The following PDS5A variants were observed in gnomAD, a reference collection of about 807,000 sequenced individuals.
PDS5A encodes the protein sister chromatid cohesion protein PDS5 homolog A.
Under a neutral mutation model 167.1 loss-of-function variants are expected in PDS5A, and 42 were observed. That is an observed-to-expected ratio of 0.25 (90% confidence interval 0.20 to 0.33). The LOEUF (loss-of-function observed/expected upper bound fraction) is 0.33. Among genes scored for constraint, PDS5A ranks in the 10% least tolerant of loss-of-function variants. The probability of loss-of-function intolerance (pLI) is 1.00; values close to 1 mark genes in which losing one functional copy is unlikely to be tolerated. For missense variants in PDS5A, 1,033 were observed against 1,605.9 expected, an observed-to-expected ratio of 0.64 and a Z score of 6.10; for synonymous variants, 553 against 554.6, an observed-to-expected ratio of 1.00 and a Z score of 0.04.
rs1258386368 is a variant in PDS5A, at chr4:39,972,415, G to C, written c.138+4025C>G. ...CGCACCTCTAATCCCAGCTACTTGG[G>C]AGGCTGGGGCAGGAGAATCGCTTGA... On this transcript the variant is annotated intron_variant, in intron 2 of 32. Coordinates refer to ENST00000303538, the MANE Select transcript of PDS5A (RefSeq NM_001100399.2). Among the ~76,000 whole-genome samples the C allele has an allele frequency of 2.0e-5, 3 of 152,196 alleles. No homozygotes were observed. The East Asian group carries it at 5.8e-4, about 29-fold the overall frequency.
intron 26 of PDS5A, among the ~76,000 whole-genome samples, chr4:39,858,640 T>A (rs997847094): frequency 2.0e-5 from 3 of 152,218 alleles, no homozygotes; most frequent in Non-Finnish European, 2.9e-5. Context: ...TTCTTTTTTT[T>A]AAGATGCAGT....
chr4:39,865,495 A>AT (rs1719356711), intron 23 of PDS5A, among the ~76,000 whole-genome samples: 1 of 152,240 alleles, frequency 6.6e-6, no homozygotes, highest in Non-Finnish European at 1.5e-5. Context: ...CCTGGGCAAC[A>AT]TAGTGAGATC....
intron 30 of PDS5A, among the ~76,000 whole-genome samples, chr4:39,844,433 C>T (rs1003404224): frequency 6.7e-6 from 1 of 150,300 alleles, no homozygotes. Context: ...CAAGATTGCG[C>T]CATTGCACTC....
intron 2 of PDS5A, among the ~76,000 whole-genome samples, chr4:39,944,302 T>C (rs1032002473): frequency 6.6e-6 from 1 of 152,056 alleles, no homozygotes; most frequent in Non-Finnish European, 1.5e-5. Flanking sequence ...TCTTAAAAAT[T>C]ACCTGGATAC....
At chr4:39,927,896 T>C in intron 3 of PDS5A, 65 bp downstream of exon 3, 1 of 1,113,920 alleles carries the variant, frequency 9.0e-7, no homozygotes, top group African/African-American at 1.6e-5. Flanking sequence ...AATATAAAAA[T>C]AAAAGTATAC....
chr4:39,869,245 A>G, intron 22 of PDS5A, 149 bp downstream of exon 22: 1 of 620,258 alleles, frequency 1.6e-6, no homozygotes, highest in Non-Finnish European at 2.9e-6. Flanking sequence ...CTGAAGTGGG[A>G]GGATCAGCTG....
intron 2 of PDS5A, chr4:39,973,879 AC>A: frequency 1.3e-6 from 1 of 759,384 alleles, no homozygotes; most frequent in Non-Finnish European, 2.4e-6. Flanking sequence ...TAATCCCAGC[AC>A]TTTGGGAGGC....
chr4:39,850,498 T>C (rs961452080), intron 26 of PDS5A, among the ~76,000 whole-genome samples: 6 of 152,026 alleles, frequency 3.9e-5, no homozygotes, highest in Non-Finnish European at 7.4e-5. Flanking sequence ...ATTCACCCTA[T>C]AGGTAAGTTT....
At chr4:39,895,628 G>A (rs1380006162) in intron 16 of PDS5A, among the ~76,000 whole-genome samples, 1 of 152,126 alleles carries the variant, frequency 6.6e-6, no homozygotes, top group South Asian at 2.1e-4. Context: ...TAGGCAGCAC[G>A]ATATTTAAAC....
At chr4:39,916,687 G>A in intron 8 of PDS5A, among the ~76,000 whole-genome samples, 1 of 152,016 alleles carries the variant, frequency 6.6e-6, no homozygotes, top group Middle Eastern at 3.2e-3. Context: ...CCAACATGGA[G>A]AATCCCCATC....
intron 32 of PDS5A, among the ~76,000 whole-genome samples, chr4:39,828,653 GATA>G (rs777485017): frequency 6.6e-6 from 1 of 152,148 alleles, no homozygotes; most frequent in Non-Finnish European, 1.5e-5. Flanking sequence ...ACTAATTAAT[GATA>G]ATAAAATATG....
At chr4:39,885,061 G>A (rs777872722) in intron 17 of PDS5A, among the ~76,000 whole-genome samples, 3 of 151,930 alleles carry the variant, frequency 2.0e-5, no homozygotes, top group South Asian at 2.1e-4. Flanking sequence ...ACAGGAGCTC[G>A]AGACCAGCCT....
chr4:39,884,813 G>A (rs777305374), intron 17 of PDS5A, among the ~76,000 whole-genome samples: 13 of 151,928 alleles, frequency 8.6e-5, no homozygotes, highest in Non-Finnish European at 1.9e-4. Flanking sequence ...CTTTCACCTG[G>A]GTTCCAGCCA....
At chr4:39,906,764 T>C (rs1348352904) in intron 11 of PDS5A, among the ~76,000 whole-genome samples, 1 of 150,648 alleles carries the variant, frequency 6.6e-6, no homozygotes, top group African/African-American at 2.4e-5. Flanking sequence ...AAAAGAGGGG[T>C]GGGTGGGAGT....
intron 2 of PDS5A, among the ~76,000 whole-genome samples, chr4:39,954,900 C>A (rs1056866570): frequency 6.6e-6 from 1 of 151,714 alleles, no homozygotes; most frequent in African/African-American, 2.4e-5. Context: ...ATTAGCTAGG[C>A]GTGGTAGCAC....
At chr4:39,883,567 C>T (rs192408596) in intron 17 of PDS5A, among the ~76,000 whole-genome samples, 87 of 152,238 alleles carry the variant, frequency 5.7e-4, no homozygotes, top group African/African-American at 2.0e-3. Context: ...AAGCTTACTC[C>T]GTTTCCATCA....
chr4:39,953,683 T>C (rs1468525244), intron 2 of PDS5A, among the ~76,000 whole-genome samples: 1 of 152,050 alleles, frequency 6.6e-6, no homozygotes. Context: ...TGAGCCATGA[T>C]CGTACCACTG....
chr4:39,905,237 C>T (rs958686052), intron 11 of PDS5A, among the ~76,000 whole-genome samples: 2 of 151,998 alleles, frequency 1.3e-5, no homozygotes, highest in African/African-American at 4.8e-5. Context: ...ACAGAGCTTC[C>T]AATCAGCTGT....
intron 2 of PDS5A, among the ~76,000 whole-genome samples, chr4:39,972,501 C>G (rs1200484391): frequency 2.0e-5 from 3 of 152,074 alleles, no homozygotes; most frequent in Admixed American, 2.0e-4. Context: ...GCCTGGGCGA[C>G]AGGGCGAGAC....
Sources: allele counts gnomAD v4.1 joint callset (sites outside exome capture counted in the v4.1 genomes callset), GRCh38; gene constraint gnomAD v4.1.1; transcripts MANE v1.5; gene names NCBI Gene and HGNC (gene_info 2026-07-23, HGNC 2026-07-21).